Variants in SRGAP3 observed in about 807,000 individuals in gnomAD.
The protein encoded by SRGAP3 is SLIT-ROBO Rho GTPase activating protein 3.
SRGAP3 carries 39 observed loss-of-function variants against 121.1 expected under a neutral mutation model. That is an observed-to-expected ratio of 0.32 (90% CI 0.25 to 0.42). The LOEUF (loss-of-function observed/expected upper bound fraction) is 0.42. Among genes scored for constraint, SRGAP3 ranks in the 10% least tolerant of loss-of-function variants. The probability of loss-of-function intolerance (pLI) is 1.00; values close to 1 mark genes in which losing one functional copy is unlikely to be tolerated. For missense variants in SRGAP3, 1,213 were observed against 1,470.6 expected (o/e 0.82, Z 2.86); for synonymous variants, 601 against 570.0 (o/e 1.05, Z -0.77).
At chr3:9,295,296 C>A (rs1294070000) in intron 3 of SRGAP3, among the ~76,000 whole-genome samples, 4 of 152,212 alleles carry the variant, frequency 2.6e-5, no homozygotes, top group Non-Finnish European at 5.9e-5. Context: ...CAAATCTATT[C>A]TCTTCATTCT....
At chr3:8,994,594 G>T (rs1942276123) in intron 18 of SRGAP3, 71 bp from the exon 19 acceptor site, 3 of 1,582,654 alleles carry the variant, frequency 1.9e-6, no homozygotes, top group East Asian at 4.5e-5. Context: ...TCACTCAGAT[G>T]GCCCTGGCTT....
At chr3:9,177,387 G>C (rs1951215200) in intron 1 of SRGAP3, among the ~76,000 whole-genome samples, 1 of 152,192 alleles carries the variant, frequency 6.6e-6, no homozygotes, top group Non-Finnish European at 1.5e-5. Flanking sequence ...GCAAGTTCAA[G>C]GCCCTTTGGA....
chr3:9,260,019 G>T (rs1954219535), intron 3 of SRGAP3, among the ~76,000 whole-genome samples: 1 of 152,004 alleles, frequency 6.6e-6, no homozygotes, highest in Non-Finnish European at 1.5e-5. Flanking sequence ...GCAGGGTGGG[G>T]CGTCGCCTTA....
chr3:9,026,016 C>G (rs1944181367), intron 13 of SRGAP3, among the ~76,000 whole-genome samples: 1 of 152,150 alleles, frequency 6.6e-6, no homozygotes. Context: ...CAATATTGAA[C>G]TTCTGCCACC....
At chr3:9,351,002 C>G (rs1022891572) in intron 1 of SRGAP3, among the ~76,000 whole-genome samples, 1 of 152,142 alleles carries the variant, frequency 6.6e-6, no homozygotes, top group African/African-American at 2.4e-5. Context: ...GTGGGCTCTG[C>G]TAGGATGCTG....
intron 3 of SRGAP3, among the ~76,000 whole-genome samples, chr3:9,263,463 A>G (rs1245815880): frequency 6.6e-6 from 1 of 152,098 alleles, no homozygotes; most frequent in Non-Finnish European, 1.5e-5. Context: ...AACAAAATAG[A>G]TAGACTGCTA....
intron 5 of SRGAP3, among the ~76,000 whole-genome samples, chr3:9,062,946 CAA>C (rs1278518415): frequency 6.6e-6 from 1 of 152,056 alleles, no homozygotes; most frequent in African/African-American, 2.4e-5. Flanking sequence ...GACTGCTTTC[CAA>C]AGTGATAGAA....
At chr3:9,067,100 A>G (rs1006510403) in intron 4 of SRGAP3, among the ~76,000 whole-genome samples, 3 of 152,144 alleles carry the variant, frequency 2.0e-5, no homozygotes, top group African/African-American at 7.2e-5. Flanking sequence ...TACCTTCCAC[A>G]TAGTAAGAGC....
chr3:9,145,951 C>T (rs1382803352), intron 1 of SRGAP3, among the ~76,000 whole-genome samples: 1 of 152,172 alleles, frequency 6.6e-6, no homozygotes, highest in East Asian at 1.9e-4. Context: ...AGAAGTTTAG[C>T]AGGGCATGGA....
chr3:9,084,937 T>G (rs758481331), intron 3 of SRGAP3, among the ~76,000 whole-genome samples: 10 of 152,206 alleles, frequency 6.6e-5, no homozygotes, highest in African/African-American at 9.6e-5. Context: ...AGGGGATGAC[T>G]TTGGGGGCCA....
chr3:8,990,377 G>A, intron 21 of SRGAP3, 135 bp downstream of exon 21: 1 of 1,149,206 alleles, frequency 8.7e-7, no homozygotes, highest in East Asian at 2.6e-5. Flanking sequence ...GGACGGGGAG[G>A]CCACTCACTC....
Position 9,042,485 on chromosome 3 carries a change from A to C in SRGAP3, c.1409-4395T>G, listed in dbSNP as rs147351780. On this transcript the variant is annotated intron_variant, in intron 10 of 21. Coordinates refer to ENST00000383836, the MANE Select transcript of SRGAP3 (RefSeq NM_014850.4). ...TAGGGCCAGGGAGGGAAATAAGGAG[A>C]GGAAGAGAGTAATCTGGGTCTGAAA... Among the ~76,000 whole-genome samples, 227 of 151,542 alleles carry C rather than the reference A, an allele frequency of 1.5e-3. 1 individual carries two copies. The highest frequency in any genetic ancestry group is 5.2e-3 in the African/African-American group (213 of 41,328).
chr3:9,016,552 G>A (rs573771768), intron 14 of SRGAP3, among the ~76,000 whole-genome samples: 1 of 152,180 alleles, frequency 6.6e-6, no homozygotes, highest in Admixed American at 6.5e-5. Context: ...TGCCAACCTT[G>A]ATCACTGGGT....
intron 1 of SRGAP3, among the ~76,000 whole-genome samples, chr3:9,190,893 GCCAGT>G (rs1475320934): frequency 6.6e-6 from 1 of 152,146 alleles, no homozygotes; most frequent in African/African-American, 2.4e-5. Context: ...CTTGAGCTCA[GCCAGT>G]CACCCCTTTG....
intron 1 of SRGAP3, among the ~76,000 whole-genome samples, chr3:9,150,562 A>G (rs778627789): frequency 6.6e-5 from 10 of 152,206 alleles, no homozygotes; most frequent in Non-Finnish European, 1.5e-4. Context: ...GAGGGCAGCA[A>G]GAGAAGCCCT....
At chr3:9,177,460 G>A (rs1028309204) in intron 1 of SRGAP3, among the ~76,000 whole-genome samples, 7 of 152,334 alleles carry the variant, frequency 4.6e-5, no homozygotes, top group African/African-American at 1.7e-4. Context: ...GGGACCTGGA[G>A]GAGGCAGGAG....
intron 3 of SRGAP3, chr3:9,293,438 C>T (rs967259960): frequency 6.6e-6 from 1 of 152,178 alleles, no homozygotes. Flanking sequence ...CTGTCTTCCT[C>T]GAGAATACGT....
At chr3:9,094,101 T>C (rs1252468371) in intron 3 of SRGAP3, among the ~76,000 whole-genome samples, 1 of 152,188 alleles carries the variant, frequency 6.6e-6, no homozygotes, top group African/African-American at 2.4e-5. Flanking sequence ...CCTCCCTCTT[T>C]CCTCAATTAT....
intron 1 of SRGAP3, among the ~76,000 whole-genome samples, chr3:9,136,390 T>C (rs1431097295): frequency 8.7e-6 from 1 of 114,428 alleles, no homozygotes; most frequent in African/African-American, 3.5e-5. Flanking sequence ...CAACCGTCGC[T>C]GGGACCCCCC....
Sources: allele counts gnomAD v4.1 joint callset (sites outside exome capture counted in the v4.1 genomes callset), GRCh38; gene constraint gnomAD v4.1.1; transcripts MANE v1.5; gene names NCBI Gene and HGNC (gene_info 2026-07-23, HGNC 2026-07-21).